TNFSF13B: variants seen among roughly 807,000 people sequenced by gnomAD.
The protein encoded by TNFSF13B is TNF superfamily member 13b, also known as tumor necrosis factor ligand superfamily member 13B.
In TNFSF13B, 8 loss-of-function variants were observed where a neutral mutation model predicts 29.1. The ratio of observed to expected loss-of-function variants is 0.27; its 90% CI spans 0.16 to 0.50. The LOEUF is 0.50. Among genes scored for constraint, TNFSF13B ranks in the 20% least tolerant of loss-of-function variants. TNFSF13B has a pLI of 0.98. For synonymous variants in TNFSF13B, 125 were observed against 130.8 expected, an observed-to-expected ratio of 0.96 and a Z score of 0.30; for missense variants, 248 against 334.9, an observed-to-expected ratio of 0.74 and a Z score of 2.03.
intron 3 of TNFSF13B, among the ~76,000 whole-genome samples, chr13:108,291,382 T>G (rs1224144): frequency 1 from 151,232 of 151,784 alleles, 75,343 homozygotes; most frequent in Middle Eastern, 1. Context: ...ATTTATATTT[T>G]TTTAGTCTCC....
intron 3 of TNFSF13B, among the ~76,000 whole-genome samples, chr13:108,288,786 G>C (rs1002475086): frequency 5.3e-5 from 8 of 152,162 alleles, no homozygotes; most frequent in African/African-American, 1.9e-4. Flanking sequence ...CAAAGCAGGC[G>C]GGGGCAGGAG....
At chr13:108,284,094 G>C (rs181083443) in intron 2 of TNFSF13B, among the ~76,000 whole-genome samples, 172 of 152,262 alleles carry the variant, frequency 1.1e-3, no homozygotes, top group African/African-American at 3.4e-3. Context: ...ACTTTGGGAG[G>C]CGAGGTGGGC....
intron 3 of TNFSF13B, among the ~76,000 whole-genome samples, chr13:108,295,084 G>T (rs545682522): frequency 6.9e-6 from 1 of 145,250 alleles, no homozygotes; most frequent in Non-Finnish European, 1.5e-5. Flanking sequence ...TTTATTAATT[G>T]GAGTATTTTC....
chr13:108,277,721 C>T (rs1374608338), intron 2 of TNFSF13B, among the ~76,000 whole-genome samples: 3 of 152,118 alleles, frequency 2.0e-5, no homozygotes, highest in Non-Finnish European at 2.9e-5. Context: ...CATGCCTCCC[C>T]TTTTTAGACC....
intron 2 of TNFSF13B, among the ~76,000 whole-genome samples, chr13:108,272,952 A>C (rs1880661315): frequency 6.6e-6 from 1 of 152,112 alleles, no homozygotes; most frequent in African/African-American, 2.4e-5. Flanking sequence ...ATTTTCCCAA[A>C]ATTCTCCTAT....
chr13:108,301,451 G>A (rs1881620157), intron 3 of TNFSF13B: 1 of 152,176 alleles, frequency 6.6e-6, no homozygotes, highest in Non-Finnish European at 1.5e-5. Context: ...ATACACAGTG[G>A]AATACTATTC....
intron 3 of TNFSF13B, among the ~76,000 whole-genome samples, chr13:108,295,693 T>TA (rs1422251596): frequency 6.9e-6 from 1 of 145,978 alleles, no homozygotes; most frequent in East Asian, 1.9e-4. Context: ...TTCTGAGTGC[T>TA]ACTTTCACTG....
chr13:108,270,355 G>T lies in TNFSF13B; in HGVS notation c.355G>T (p.Ala119Ser), dbSNP rs1880577930. 2 of 1,614,018 alleles carry T rather than the reference G, an allele frequency of 1.2e-6. No individual in the cohort carries two copies. Among genetic ancestry groups the T allele is most frequent in the African/African-American group, 2.7e-5 (2 of 74,906 alleles). Residue 119 changes from alanine to serine, a missense_variant, in exon 2 of 6, where the codon GCT becomes TCT. Physicochemically the swap from Ala to Ser is moderately conservative, Grantham distance 99 (BLOSUM62 1). This residue lies in a region of TNFSF13B where 186 missense variants were observed against 196.3 expected (regional missense o/e 0.95). Transcript: ENST00000375887. ...TAGLKIFEPP[A>S]PGEGNSSQNS... Reference sequence around the variant, plus strand: ...CTGTTCATAGATCTTTGAACCACCAGCTCCAGGAGAAGGCAACTCCAGTCA... The same window carrying T: ...CTGTTCATAGATCTTTGAACCACCATCTCCAGGAGAAGGCAACTCCAGTCA...
chr13:108,274,745 G>GT (rs1231480076), intron 2 of TNFSF13B, among the ~76,000 whole-genome samples: 12 of 152,054 alleles, frequency 7.9e-5, no homozygotes, highest in Non-Finnish European at 1.8e-4. Context: ...TTTATTTTCA[G>GT]TAAGACTCAA....
intron 2 of TNFSF13B, among the ~76,000 whole-genome samples, chr13:108,281,334 T>G (rs1880948940): frequency 1.3e-5 from 2 of 152,176 alleles, no homozygotes; most frequent in African/African-American, 4.8e-5. Flanking sequence ...ATCAACTCCT[T>G]TCCAACACCC....
intron 3 of TNFSF13B, among the ~76,000 whole-genome samples, chr13:108,287,084 T>C (rs911509267): frequency 3.3e-5 from 4 of 121,630 alleles, no homozygotes; most frequent in African/African-American, 1.3e-4. Context: ...AACACATGGA[T>C]ACAGGAAGGG....
chr13:108,306,222 A>C (rs1161843017), intron 5 of TNFSF13B, among the ~76,000 whole-genome samples: 1 of 152,102 alleles, frequency 6.6e-6, no homozygotes, highest in East Asian at 1.9e-4. Context: ...AAAGACAAAC[A>C]TGGTCATCTA....
intron 3 of TNFSF13B, among the ~76,000 whole-genome samples, chr13:108,288,662 G>C (rs1881212040): frequency 6.6e-6 from 1 of 152,150 alleles, no homozygotes; most frequent in Non-Finnish European, 1.5e-5. Flanking sequence ...CCATATGCAT[G>C]GTTTTCTACT....
At chr13:108,282,275 G>C (rs1177149370) in intron 2 of TNFSF13B, among the ~76,000 whole-genome samples, 1 of 152,160 alleles carries the variant, frequency 6.6e-6, no homozygotes, top group Non-Finnish European at 1.5e-5. Flanking sequence ...TTTCATGGGA[G>C]ACACATATAA....
rs577824931 is a variant in TNFSF13B, at chr13:108,292,424, T to C, written c.481+5565T>C. On this transcript the variant is annotated intron_variant, in intron 3 of 5. Coordinates refer to ENST00000375887, the MANE Select transcript of TNFSF13B (RefSeq NM_006573.5). ...AGTAGTGATCCTGTGAACATTTGCATAAAGTACTTCCTGAGTGCCTCTTTT... is the reference window on the plus strand; with the variant it reads ...AGTAGTGATCCTGTGAACATTTGCACAAAGTACTTCCTGAGTGCCTCTTTT... Among the ~76,000 whole-genome samples, 66 of 152,248 alleles carry C rather than the reference T, an allele frequency of 4.3e-4. No individual in the cohort carries two copies. The Middle Eastern group carries it at 0.01, about 24-fold the overall frequency.
intron 3 of TNFSF13B, among the ~76,000 whole-genome samples, chr13:108,298,741 C>A (rs533590194): frequency 6.9e-6 from 1 of 145,378 alleles, no homozygotes; most frequent in Non-Finnish European, 1.5e-5. Flanking sequence ...CTTTGGGAGG[C>A]CAAGGCAGGA....
chr13:108,281,908 C>A (rs1025164759), intron 2 of TNFSF13B, among the ~76,000 whole-genome samples: 12 of 151,748 alleles, frequency 7.9e-5, no homozygotes, highest in Non-Finnish European at 1.8e-4. Flanking sequence ...ATATTGAGAT[C>A]TTTAAGTGTT....
At chr13:108,289,452 T>G (rs944747259) in intron 3 of TNFSF13B, among the ~76,000 whole-genome samples, 1 of 151,666 alleles carries the variant, frequency 6.6e-6, no homozygotes, top group Non-Finnish European at 1.5e-5. Context: ...TGCATTTTGT[T>G]AAAAAAGGCT....
intron 2 of TNFSF13B, among the ~76,000 whole-genome samples, chr13:108,272,445 G>T (rs749822905): frequency 5.9e-5 from 9 of 151,968 alleles, no homozygotes; most frequent in Non-Finnish European, 1.0e-4. Flanking sequence ...TTCTTAAGTA[G>T]TTGACTCCCT....
Sources: allele counts gnomAD v4.1 joint callset (sites outside exome capture counted in the v4.1 genomes callset), GRCh38; gene constraint gnomAD v4.1.1; regional missense constraint gnomAD v4.1.1; transcripts MANE v1.5; gene names NCBI Gene and HGNC (gene_info 2026-07-23, HGNC 2026-07-21).